Variants in GAREM1 observed in about 807,000 individuals in gnomAD.
GAREM1 encodes GRB2-associated and regulator of MAPK protein 1.
Under a neutral mutation model 71.3 loss-of-function variants are expected in GAREM1, and 26 were observed. The ratio of observed to expected loss-of-function variants is 0.36; its 90% CI spans 0.27 to 0.51. GAREM1 has a LOEUF of 0.51. Ranked by LOEUF, GAREM1 falls within the 20% of genes least tolerant of loss-of-function variation. GAREM1 has a pLI of 0.95. For synonymous variants in GAREM1, 440 were observed against 433.2 expected (o/e 1.02, Z -0.20); for missense variants, 1,026 against 1,103.1 (o/e 0.93, Z 0.99).
intron 2 of GAREM1, among the ~76,000 whole-genome samples, chr18:32,372,099 T>C (rs980898038): frequency 6.6e-6 from 1 of 152,230 alleles, no homozygotes; most frequent in Non-Finnish European, 1.5e-5. Flanking sequence ...CTTTGCTTTT[T>C]AAATTAATTG....
At chr18:32,359,099 A>C (rs553977997) in intron 2 of GAREM1, among the ~76,000 whole-genome samples, 73 of 152,322 alleles carry the variant, frequency 4.8e-4, no homozygotes, top group African/African-American at 1.7e-3. Flanking sequence ...AGGTTTTGAA[A>C]AAAGCAAAAA....
At chr18:32,401,600 G>A (rs2048316356) in intron 1 of GAREM1, among the ~76,000 whole-genome samples, 1 of 152,128 alleles carries the variant, frequency 6.6e-6, no homozygotes, top group South Asian at 2.1e-4. Flanking sequence ...ACCACTGAAG[G>A]GTTTTGGATG....
In GAREM1 at chr18:32,320,107, TTACA is replaced by T. The variant is rs1266821410; in HGVS notation, c.263-9788_263-9785del. 3.3e-5 allele frequency among the ~76,000 whole-genome samples: 5 copies of T among 152,182 alleles called. No homozygotes were observed. The East Asian group carries it at 9.6e-4, about 29-fold the overall frequency. On this transcript the variant is annotated intron_variant, in intron 2 of 5. Transcript: ENST00000269209. Reference sequence around the variant, plus strand: ...GTCAAACTAAGAGGTCTGTGTCCACTTACATTCTTACAACGATGCGTTTCCTCAT... The same window carrying T: ...GTCAAACTAAGAGGTCTGTGTCCACTTTCTTACAACGATGCGTTTCCTCAT...
chr18:32,372,714 T>C lies in GAREM1; in HGVS notation c.262+20181A>G, dbSNP rs530727392. Among the ~76,000 whole-genome samples, 17 of 152,346 alleles carry C rather than the reference T, an allele frequency of 1.1e-4. No homozygotes were observed. In the East Asian group the frequency reaches 2.9e-3, roughly 26 times the overall value. ...GTTGCAATGTCAACAAAACTGGGAA[T>C]ACTGGCTAAACTGGCCTAGTTAGCT... On this transcript the variant is annotated intron_variant, in intron 2 of 5. Coordinates refer to ENST00000269209, the MANE Select transcript of GAREM1 (RefSeq NM_001242409.2).
At position 32,267,789 on chromosome 18, in the gene GAREM1, A is replaced by G. The variant is rs753363864; in HGVS notation, c.*82T>C. On this transcript the variant is annotated 3_prime_UTR_variant, in exon 6 of 6. Coordinates refer to ENST00000269209, the MANE Select transcript of GAREM1 (RefSeq NM_001242409.2). ...TTTACAGAGAAGGTTTTTAGTGCAA[A>G]AACATGAAATTGTGTCCCAGCCCAC... 5.9e-6 allele frequency: 7 copies of G among 1,182,912 alleles called. No homozygotes were observed. The highest frequency in any genetic ancestry group is 8.4e-6 in the Non-Finnish European group (7 of 837,542). The allele number at this position is 1,182,912 out of a possible 1,614,324, so 73.3% of individuals were successfully genotyped here.
chr18:32,324,023 C>T (rs547459420), intron 2 of GAREM1, among the ~76,000 whole-genome samples: 1 of 152,094 alleles, frequency 6.6e-6, no homozygotes, highest in African/African-American at 2.4e-5. Context: ...CACAAATAAA[C>T]ATGATTTCAA....
chr18:32,367,285 G>C (rs747512311), intron 2 of GAREM1, among the ~76,000 whole-genome samples: 1 of 152,282 alleles, frequency 6.6e-6, no homozygotes, highest in South Asian at 2.1e-4. Flanking sequence ...TTTCTGACTG[G>C]TTGAAGGACA....
At chr18:32,341,139 C>G (rs904569085) in intron 2 of GAREM1, among the ~76,000 whole-genome samples, 1 of 152,134 alleles carries the variant, frequency 6.6e-6, no homozygotes, top group Non-Finnish European at 1.5e-5. Context: ...TCCCCTTACC[C>G]CATGACAGGC....
rs184904701 is a variant in GAREM1, at chr18:32,287,595, G to C, written c.1002C>G (p.Phe334Leu). 2.5e-6 allele frequency: 4 copies of C among 1,613,998 alleles called. No individual in the cohort carries two copies. The highest frequency in any genetic ancestry group is 1.3e-5 in the African/African-American group (1 of 74,904). ...CAGCCCGTGAATACTCATCGATGTC[G>C]AACTGTTCTTGGCAGATACCTAGCC... ...HHWLGICQEQ[F>L]DIDEYSRAVR... Residue 334 changes from phenylalanine (F) to leucine (L), a missense_variant, in exon 4 of 6, where the codon TTC (phenylalanine) becomes TTG (leucine). This residue lies in a region of GAREM1 where 218 missense variants were observed against 296.8 expected (regional missense o/e 0.73). Coordinates refer to ENST00000269209, the MANE Select transcript of GAREM1 (RefSeq NM_001242409.2). The surrounding 1 kb of genome is among the most constrained non-coding windows in gnomAD (Gnocchi z 5.9).
chr18:32,411,089 C>A (rs1284299384), intron 1 of GAREM1, among the ~76,000 whole-genome samples: 38 of 152,224 alleles, frequency 2.5e-4, no homozygotes, highest in Admixed American at 2.5e-3. Flanking sequence ...AGGCATGAGC[C>A]ACCGTGCCTG....
At chr18:32,352,509 G>A (rs1261023755) in intron 2 of GAREM1, among the ~76,000 whole-genome samples, 1 of 152,198 alleles carries the variant, frequency 6.6e-6, no homozygotes, top group Non-Finnish European at 1.5e-5. Flanking sequence ...ACAGTTTTGG[G>A]AGGTGAGGGA....
chr18:32,305,412 C>T (rs891824294), intron 3 of GAREM1, among the ~76,000 whole-genome samples: 14 of 152,170 alleles, frequency 9.2e-5, no homozygotes, highest in Non-Finnish European at 1.9e-4. Context: ...ACTCTACCAC[C>T]ACCTCCTATT....
intron 1 of GAREM1, among the ~76,000 whole-genome samples, chr18:32,457,534 G>A (rs557686487): frequency 1.3e-5 from 2 of 151,738 alleles, no homozygotes; most frequent in South Asian, 4.2e-4. Flanking sequence ...ATTGAGTCAA[G>A]GGGAAAAAAA....
At chr18:32,342,139 A>G (rs1183352910) in intron 2 of GAREM1, among the ~76,000 whole-genome samples, 1 of 152,136 alleles carries the variant, frequency 6.6e-6, no homozygotes, top group East Asian at 1.9e-4. Context: ...ATCACTTCTA[A>G]CCACTCCATA....
At chr18:32,319,821 T>C (rs1256658580) in intron 2 of GAREM1, among the ~76,000 whole-genome samples, 3 of 152,248 alleles carry the variant, frequency 2.0e-5, no homozygotes, top group Non-Finnish European at 2.9e-5. Flanking sequence ...AGTTATTCCA[T>C]CACTGCATAA....
At chr18:32,360,208 GA>G (rs141075154) in intron 2 of GAREM1, among the ~76,000 whole-genome samples, 22 of 147,548 alleles carry the variant, frequency 1.5e-4, no homozygotes, top group African/African-American at 2.2e-4. Context: ...GCTTCTTAAA[GA>G]AAAAAAAAAT....
At chr18:32,422,787 A>G (rs971784488) in intron 1 of GAREM1, among the ~76,000 whole-genome samples, 17 of 152,230 alleles carry the variant, frequency 1.1e-4, no homozygotes, top group African/African-American at 4.1e-4. Context: ...TAAAGCAACA[A>G]CTTTGAGTGG....
intron 2 of GAREM1, among the ~76,000 whole-genome samples, chr18:32,332,214 TGCC>T (rs1346003181): frequency 6.6e-6 from 1 of 151,832 alleles, no homozygotes; most frequent in Non-Finnish European, 1.5e-5. Flanking sequence ...GTGTAGTCTT[TGCC>T]TACCAGGTTT....
At chr18:32,469,475 T>G (rs746715305) in intron 1 of GAREM1, among the ~76,000 whole-genome samples, 2 of 152,178 alleles carry the variant, frequency 1.3e-5, no homozygotes, top group Non-Finnish European at 2.9e-5. Flanking sequence ...CACACCTAAA[T>G]TGCCACCTTA....
Sources: allele counts gnomAD v4.1 joint callset (sites outside exome capture counted in the v4.1 genomes callset), GRCh38; gene constraint gnomAD v4.1.1; regional missense constraint gnomAD v4.1.1; non-coding constraint Gnocchi (gnomAD v3.1); transcripts MANE v1.5; gene names NCBI Gene and HGNC (gene_info 2026-07-23, HGNC 2026-07-21).